NALF1: variants seen among roughly 807,000 people sequenced by gnomAD.
The protein encoded by NALF1 is NALCN channel auxiliary factor 1.
NALF1 carries 3 observed loss-of-function variants against 48.4 expected under a neutral mutation model. That is an observed-to-expected ratio of 0.06 (90% confidence interval 0.03 to 0.16). NALF1 has a LOEUF of 0.16. Ranked by LOEUF, NALF1 falls within the 10% of genes least tolerant of loss-of-function variation. NALF1 has a pLI of 1.00. For missense variants in NALF1, 526 were observed against 571.5 expected, an observed-to-expected ratio of 0.92 and a Z score of 0.81; for synonymous variants, 262 against 245.7, an observed-to-expected ratio of 1.07 and a Z score of -0.62.
Position 107,554,832 on chromosome 13 carries a change from G to A in NALF1, c.915+310850C>T, listed in dbSNP as rs981593118. Among the ~76,000 whole-genome samples, 3 of 152,092 alleles carry A rather than the reference G, an allele frequency of 2.0e-5. No homozygotes were observed. In the East Asian group the frequency reaches 5.8e-4, roughly 29 times the overall value. The stretch of plus-strand genomic sequence containing the variant: ...TTGCCCTTCCTCCCATGGAGGGAAG[G>A]TTTTGGTCTCTGCAGAATTCACAAG... On this transcript the variant is annotated intron_variant, in intron 1 of 2. Transcript: ENST00000375915.
intron 1 of NALF1, among the ~76,000 whole-genome samples, chr13:107,764,973 C>T (rs1440246045): frequency 2.0e-5 from 3 of 152,124 alleles, no homozygotes; most frequent in African/African-American, 4.8e-5. Context: ...GGAGGACATC[C>T]AGTCCCTGCT....
chr13:107,590,700 T>C (rs1337318369), intron 1 of NALF1, among the ~76,000 whole-genome samples: 1 of 152,036 alleles, frequency 6.6e-6, no homozygotes, highest in African/African-American at 2.4e-5. Context: ...TTCTCTAAGC[T>C]GACTTCTGTT....
chr13:107,236,916 T>C lies in NALF1; in HGVS notation c.916-26161A>G, dbSNP rs183568977. 1.9e-3 allele frequency among the ~76,000 whole-genome samples: 288 copies of C among 152,282 alleles called. 3 individuals are homozygous for C. Among genetic ancestry groups the C allele is most frequent in the African/African-American group, 6.6e-3 (276 of 41,576 alleles). ...ACTATTTTACATAGCACTTACATCATATTGAGTATTATAAGTAACCTGGAG... is the reference window on the plus strand; with the variant it reads ...ACTATTTTACATAGCACTTACATCACATTGAGTATTATAAGTAACCTGGAG... On this transcript the variant is annotated intron_variant, in intron 1 of 2. Transcript: ENST00000375915.
At chr13:107,602,375 T>C (rs1878954277) in intron 1 of NALF1, among the ~76,000 whole-genome samples, 1 of 152,026 alleles carries the variant, frequency 6.6e-6, no homozygotes, top group African/African-American at 2.4e-5. Flanking sequence ...TCGACTAAAA[T>C]AACATCTGAG....
chr13:107,478,717 A>G (rs904869882), intron 1 of NALF1, among the ~76,000 whole-genome samples: 1 of 152,066 alleles, frequency 6.6e-6, no homozygotes, highest in Non-Finnish European at 1.5e-5. Flanking sequence ...ATAAATGCTT[A>G]TATTTGTTTT....
chr13:107,497,668 C>T (rs1386507075), intron 1 of NALF1, among the ~76,000 whole-genome samples: 1 of 152,172 alleles, frequency 6.6e-6, no homozygotes, highest in Non-Finnish European at 1.5e-5. Context: ...CCCTATAGCA[C>T]TTTGGATACA....
intron 1 of NALF1, among the ~76,000 whole-genome samples, chr13:107,630,521 C>T (rs1485711211): frequency 6.6e-6 from 1 of 151,952 alleles, no homozygotes; most frequent in East Asian, 1.9e-4. Flanking sequence ...CCATTAGAGC[C>T]CCTAAAAGCA....
At chr13:107,637,110 G>A (rs1040217564) in intron 1 of NALF1, among the ~76,000 whole-genome samples, 1 of 151,798 alleles carries the variant, frequency 6.6e-6, no homozygotes, top group African/African-American at 2.4e-5. Context: ...TAGCCTAGGT[G>A]TATCATAGAT....
chr13:107,813,282 T>C lies in NALF1; in HGVS notation c.915+52400A>G, dbSNP rs193091923. Among the ~76,000 whole-genome samples the C allele has an allele frequency of 5.3e-5, 8 of 152,246 alleles. No individual in the cohort carries two copies. In the East Asian group the frequency reaches 1.5e-3, roughly 29 times the overall value. On this transcript the variant is annotated intron_variant, in intron 1 of 2. Coordinates refer to ENST00000375915, the MANE Select transcript of NALF1 (RefSeq NM_001080396.3). ...AAGCTATAATTAAGTTGATAGAAAA[T>C]GACTGTTATATTCTGCAACAGCATT...
chr13:107,836,993 A>G (rs528028416), intron 1 of NALF1, among the ~76,000 whole-genome samples: 1 of 152,312 alleles, frequency 6.6e-6, no homozygotes, highest in East Asian at 1.9e-4. Flanking sequence ...GACAACTCTT[A>G]ATCACAGTAA....
chr13:107,458,045 C>T (rs758548968), intron 1 of NALF1, among the ~76,000 whole-genome samples: 3 of 152,162 alleles, frequency 2.0e-5, no homozygotes, highest in Non-Finnish European at 2.9e-5. Context: ...CCTCAAAACC[C>T]AAAGCAGTGA....
intron 1 of NALF1, among the ~76,000 whole-genome samples, chr13:107,596,952 T>G (rs1878771373): frequency 6.6e-6 from 1 of 152,330 alleles, no homozygotes; most frequent in East Asian, 1.9e-4. Flanking sequence ...CTGAACTTTT[T>G]GAAGTCATTT....
At chr13:107,499,427 C>T (rs1054814461) in intron 1 of NALF1, among the ~76,000 whole-genome samples, 3 of 152,082 alleles carry the variant, frequency 2.0e-5, no homozygotes, top group Admixed American at 1.3e-4. Context: ...TCACTGCAGC[C>T]GCAAACTCCT....
intron 1 of NALF1, among the ~76,000 whole-genome samples, chr13:107,233,984 T>C (rs1057491455): frequency 1.5e-4 from 23 of 152,194 alleles, no homozygotes; most frequent in Non-Finnish European, 3.4e-4. Flanking sequence ...GTACAATTTA[T>C]AGGAGAAACA....
chr13:107,865,985 C>T lies in NALF1; in HGVS notation c.612G>A (p.Gly204=), dbSNP rs777244961. 22 of 1,612,518 alleles carry T rather than the reference C, an allele frequency of 1.4e-5. No individual in the cohort carries two copies. Among genetic ancestry groups the T allele is most frequent in the Non-Finnish European group, 1.7e-5 (20 of 1,179,900 alleles). The change falls in exon 1 of 3, where the codon GGG becomes GGA. Residue 204 remains glycine, a synonymous_variant. Transcript: ENST00000375915. ...NWSRGAAGGD[G]QEVRSKHPTP... The stretch of plus-strand genomic sequence containing the variant: ...TGGGATGCTTGCTCCTCACCTCCTG[C>T]CCGTCCCCCCCGGCCGCCCCCCGAC...
chr13:107,769,738 C>A (rs1330450318), intron 1 of NALF1, among the ~76,000 whole-genome samples: 1 of 151,122 alleles, frequency 6.6e-6, no homozygotes, highest in Non-Finnish European at 1.5e-5. Context: ...CCTAAAAAAA[C>A]GGTTCCATTA....
intron 1 of NALF1, among the ~76,000 whole-genome samples, chr13:107,634,944 A>G (rs893651172): frequency 2.0e-5 from 3 of 152,182 alleles, no homozygotes; most frequent in African/African-American, 7.2e-5. Flanking sequence ...AAGTAGGAGT[A>G]TAAGATTATA....
At chr13:107,437,166 C>A (rs979626370) in intron 1 of NALF1, among the ~76,000 whole-genome samples, 2 of 151,940 alleles carry the variant, frequency 1.3e-5, no homozygotes, top group African/African-American at 2.4e-5. Flanking sequence ...TAAAGAAATG[C>A]CAATTAAAAG....
At chr13:107,807,656 G>A (rs985716736) in intron 1 of NALF1, among the ~76,000 whole-genome samples, 14 of 152,200 alleles carry the variant, frequency 9.2e-5, no homozygotes, top group Non-Finnish European at 1.8e-4. Flanking sequence ...AGAAGCAAAT[G>A]TTATCTGGTG....
Sources: gnomAD v4.1 joint callset for allele counts (sites outside exome capture counted in the v4.1 genomes callset) on GRCh38, gnomAD v4.1.1 for gene constraint, MANE v1.5 for transcripts, NCBI Gene and HGNC (gene_info 2026-07-23, HGNC 2026-07-21) for gene names.